Variants in MICAL2 observed in about 807,000 individuals in gnomAD.
MICAL2 encodes the protein microtubule associated monooxygenase, calponin and LIM domain containing 2.
A neutral mutation model predicts 127.3 loss-of-function variants in MICAL2; 77 were observed. The ratio of observed to expected loss-of-function variants is 0.60; its 90% CI spans 0.50 to 0.73. The LOEUF (loss-of-function observed/expected upper bound fraction) is 0.73, where lower values mean the gene tolerates loss of function less well. Ranked by LOEUF, MICAL2 falls within the 30% of genes least tolerant of loss-of-function variation. MICAL2 has a pLI of 0.00. For missense variants in MICAL2, 1,351 were observed against 1,434.4 expected (o/e 0.94, Z 0.94); for synonymous variants, 570 against 551.1 (o/e 1.03, Z -0.48).
intron 19 of MICAL2, 66 bp downstream of exon 19, chr11:12,242,498 C>T (rs1007381558): frequency 1.3e-6 from 2 of 1,529,676 alleles, no homozygotes; most frequent in African/African-American, 2.8e-5. Flanking sequence ...CCCCTCCCTC[C>T]TCCTACCCGG....
chr11:12,151,548 C>T (rs1853576635), intron 2 of MICAL2, among the ~76,000 whole-genome samples: 1 of 152,162 alleles, frequency 6.6e-6, no homozygotes, highest in Admixed American at 6.5e-5. Flanking sequence ...ATTTATAGCT[C>T]ACATATGTAA....
chr11:12,309,742 C>A (rs915960271), intron 29 of MICAL2, among the ~76,000 whole-genome samples: 1 of 152,118 alleles, frequency 6.6e-6, no homozygotes, highest in African/African-American at 2.4e-5. Context: ...TTTTGAGAAA[C>A]CGCCATACTG....
chr11:12,356,732 G>T (rs1369089510), intron 34 of MICAL2, among the ~76,000 whole-genome samples: 1 of 152,184 alleles, frequency 6.6e-6, no homozygotes, highest in Non-Finnish European at 1.5e-5. Context: ...GAACCCTGTG[G>T]CAGGTCCACT....
chr11:12,288,920 C>T (rs1251219132), downstream of MICAL2, among the ~76,000 whole-genome samples: 3 of 152,210 alleles, frequency 2.0e-5, no homozygotes, highest in Admixed American at 2.0e-4. Flanking sequence ...TTTACTTTGC[C>T]CAAAAGAAAA....
intron 1 of MICAL2, chr11:12,116,858 A>C (rs1007144184): frequency 6.6e-5 from 10 of 152,114 alleles, no homozygotes; most frequent in African/African-American, 1.9e-4. Flanking sequence ...TTGCGTCTAA[A>C]CATCACTACC....
At chr11:12,301,932 GA>G (rs1200823637) in intron 29 of MICAL2, among the ~76,000 whole-genome samples, 2 of 152,188 alleles carry the variant, frequency 1.3e-5, no homozygotes, top group Admixed American at 1.3e-4. Context: ...ACAGAGAAAG[GA>G]TTCATGTTGT....
chr11:12,189,991 T>A (rs544707333), intron 3 of MICAL2, among the ~76,000 whole-genome samples: 3 of 152,246 alleles, frequency 2.0e-5, no homozygotes, highest in African/African-American at 7.2e-5. Flanking sequence ...AGCCTCCCGA[T>A]GTCTAGACAC....
chr11:12,292,359 C>T (rs1038710136), downstream of MICAL2: 4 of 1,551,120 alleles, frequency 2.6e-6, no homozygotes, highest in African/African-American at 4.1e-5. Flanking sequence ...ACTCTTCCCA[C>T]CTTCCACACT....
intron 22 of MICAL2, among the ~76,000 whole-genome samples, chr11:12,251,639 C>T (rs937490978): frequency 6.7e-6 from 1 of 149,036 alleles, no homozygotes; most frequent in Admixed American, 6.7e-5. Flanking sequence ...TGTGTGGGTG[C>T]CACGGGGAGA....
chr11:12,292,213 A>G (rs1195182918), downstream of MICAL2: 51 of 1,613,728 alleles, frequency 3.2e-5, no homozygotes, highest in Non-Finnish European at 3.8e-5. Context: ...CTCTTCCTTC[A>G]TCGTCTTCCC....
rs1227677074 is a variant in MICAL2 at position 12,223,500 on chromosome 11, G to A, written c.1539G>A (p.Lys513=). 1.2e-6 allele frequency: 2 copies of A among 1,613,666 alleles called. No homozygotes were observed. Among genetic ancestry groups the A allele is most frequent in the South Asian group, 2.2e-5 (2 of 91,052 alleles). The change falls in exon 12 of 28, where the codon AAG becomes AAA. Residue 513 remains lysine, a splice_region_variant and synonymous_variant. Transcript: ENST00000683283. ...GGAGATCTGTCAACCTCTCCAGGAA[G>A]GGTAAGCGGCCCTCCTGGGACCCTG... ...SVRRSVNLSR[K]ESDIRPSKLL...
At chr11:12,196,337 C>T (rs895292546) in intron 3 of MICAL2, 4 of 152,224 alleles carry the variant, frequency 2.6e-5, no homozygotes, top group Non-Finnish European at 5.9e-5. Context: ...AGTTGTAGAT[C>T]TGTTATGTGA....
At chr11:12,249,688 C>G (rs965930690) in intron 22 of MICAL2, among the ~76,000 whole-genome samples, 2 of 152,230 alleles carry the variant, frequency 1.3e-5, no homozygotes, top group South Asian at 2.1e-4. Context: ...ACATTCTGCT[C>G]TCACTGCTGC....
intron 1 of MICAL2, among the ~76,000 whole-genome samples, chr11:12,122,027 T>C (rs1850547502): frequency 2.0e-5 from 3 of 152,226 alleles, no homozygotes; most frequent in Admixed American, 2.0e-4. Context: ...ATAAATTGAT[T>C]GCTCAGTGCA....
chr11:12,330,445 G>C (rs186749869), intron 32 of MICAL2, among the ~76,000 whole-genome samples: 37 of 152,278 alleles, frequency 2.4e-4, no homozygotes, highest in Non-Finnish European at 3.5e-4. Flanking sequence ...CTGAAAACAT[G>C]AGTAGTCTGC....
intron 3 of MICAL2, among the ~76,000 whole-genome samples, chr11:12,185,862 A>G (rs1041431338): frequency 6.6e-6 from 1 of 152,150 alleles, no homozygotes; most frequent in Non-Finnish European, 1.5e-5. Context: ...TTCAAATTGA[A>G]TCCCAACGCC....
chr11:12,129,636 CTTTTTT>C (rs559528778), intron 1 of MICAL2, among the ~76,000 whole-genome samples: 7 of 97,466 alleles, frequency 7.2e-5, no homozygotes, highest in South Asian at 7.2e-4. Flanking sequence ...TCTTCTTCTT[CTTTTTT>C]TTTTTTTTTT....
rs151181202 is a variant in MICAL2, at chr11:12,168,267, T to C, written c.264+5848T>C. On this transcript the variant is annotated intron_variant, in intron 3 of 27. Coordinates refer to ENST00000683283, the MANE Select transcript of MICAL2 (RefSeq NM_001282663.2). ...ATACACACATAGATACACAAATACATATACACCACACACATACACACACGC... is the reference window on the plus strand; with the variant it reads ...ATACACACATAGATACACAAATACACATACACCACACACATACACACACGC... 9.5e-5 allele frequency among the ~76,000 whole-genome samples: 14 copies of C among 147,666 alleles called. No homozygotes were observed. The East Asian group carries it at 2.8e-3, about 30-fold the overall frequency.
In MICAL2 at chr11:12,259,875, C is replaced by T; in HGVS notation, c.3312C>T (p.Gly1104=). 6.2e-7 allele frequency: 1 copy of T among 1,611,848 alleles called. No homozygotes were observed. ...TESSCAVAAI[G]TLEGSPPVHF... ...GTTCTTGCGCAGTGGCCGCCATTGGCACCCTGGAAGGCAGCCCCCCAGGTA... is the reference window on the plus strand; with the variant it reads ...GTTCTTGCGCAGTGGCCGCCATTGGTACCCTGGAAGGCAGCCCCCCAGGTA... Residue 1104 remains glycine (G), a synonymous_variant, in exon 26 of 28, where the codon GGC becomes GGT. Transcript: ENST00000683283.
Sources: allele counts gnomAD v4.1 joint callset (sites outside exome capture counted in the v4.1 genomes callset), GRCh38; gene constraint gnomAD v4.1.1; transcripts MANE v1.5; gene names NCBI Gene and HGNC (gene_info 2026-07-23, HGNC 2026-07-21).